MCHR2: variants seen among roughly 807,000 people sequenced by gnomAD.
MCHR2 encodes melanin-concentrating hormone receptor 2.
In MCHR2, 15 loss-of-function variants were observed where a neutral mutation model predicts 24.8. The observed-to-expected ratio is 0.60, with a 90% CI of 0.40 to 0.93. The LOEUF is 0.93. MCHR2 is among the 40% of genes least tolerant of loss of function. The pLI, the probability that MCHR2 is intolerant of heterozygous loss-of-function variation, is 0.00. For synonymous variants in MCHR2, 151 were observed against 147.6 expected, an observed-to-expected ratio of 1.02 and a Z score of -0.17; for missense variants, 386 against 408.7, an observed-to-expected ratio of 0.94 and a Z score of 0.48.
intron 1 of MCHR2, among the ~76,000 whole-genome samples, chr6:99,972,463 T>C (rs2114571137): frequency 6.6e-6 from 1 of 152,292 alleles, no homozygotes; most frequent in South Asian, 2.1e-4. Context: ...TTCTTCTTTA[T>C]TAGTCTTGCT....
In MCHR2 at chr6:99,971,545, C is replaced by A. The variant is rs555384259; in HGVS notation, c.-27-15371G>T. ...ACTTCCTCTTTTCCTAATTGAATACCCTTTATTTCCTTCTCCTGCCTCATT... is the reference window on the plus strand; with the variant it reads ...ACTTCCTCTTTTCCTAATTGAATACACTTTATTTCCTTCTCCTGCCTCATT... On this transcript the variant is annotated intron_variant, in intron 1 of 5. Coordinates refer to ENST00000281806, the MANE Select transcript of MCHR2 (RefSeq NM_001040179.2). Among the ~76,000 whole-genome samples, 29 of 152,194 alleles carry A rather than the reference C, an allele frequency of 1.9e-4. 1 individual carries two copies. The East Asian group carries it at 4.8e-3, about 25-fold the overall frequency.
Position 99,925,742 on chromosome 6 carries a change from A to G in MCHR2, c.708-4487T>C, listed in dbSNP as rs536090033. The stretch of plus-strand genomic sequence containing the variant: ...TTTTAACTTTTTGTTGTTTCAGTGT[A>G]TATCTTATTGTATTATCTATGTCTT... On this transcript the variant is annotated intron_variant, in intron 5 of 5. Transcript: ENST00000281806. Among the ~76,000 whole-genome samples, 659 of 151,742 alleles carry G rather than the reference A, an allele frequency of 4.3e-3. 6 individuals are homozygous for G. Among genetic ancestry groups the G allele is most frequent in the African/African-American group, 0.015 (622 of 41,416 alleles).
chr6:99,951,794 C>T (rs1488642892), intron 2 of MCHR2, among the ~76,000 whole-genome samples: 1 of 152,098 alleles, frequency 6.6e-6, no homozygotes, highest in African/African-American at 2.4e-5. Flanking sequence ...TCCCTGTCAG[C>T]AGCTGGAATT....
intron 1 of MCHR2, among the ~76,000 whole-genome samples, chr6:99,989,268 A>G (rs938652976): frequency 2.0e-5 from 3 of 152,180 alleles, no homozygotes; most frequent in African/African-American, 7.2e-5. Context: ...AAAAAAAATT[A>G]TTGCCTAGAT....
rs1774202320 is a variant in MCHR2 at position 99,920,553 on chromosome 6, C to T, written c.*387G>A. ...GACTTCACTCTAAGGTGATACCCTC[C>T]TAGGAACCTTGAGGAAACTGTTACA... On this transcript the variant is annotated 3_prime_UTR_variant, in exon 6 of 6. Transcript: ENST00000281806. 1 of 191,282 alleles carries T rather than the reference C, an allele frequency of 5.2e-6. No individual in the cohort carries two copies. Among genetic ancestry groups the T allele is most frequent in the African/African-American group, 2.3e-5 (1 of 42,848 alleles). The allele number at this position is 191,282 out of a possible 1,614,324, so 11.8% of individuals were successfully genotyped here.
Position 99,920,921 on chromosome 6 carries a change from T to C in MCHR2, c.*19A>G, listed in dbSNP as rs200462414. On this transcript the variant is annotated 3_prime_UTR_variant, in exon 6 of 6. Coordinates refer to ENST00000281806, the MANE Select transcript of MCHR2 (RefSeq NM_001040179.2). ...AGATAGACAATCATGTCTAGACTCA[T>C]GGTGATCCATGTACTTTCCTAAAAG... 48 of 1,608,740 alleles carry C rather than the reference T, an allele frequency of 3.0e-5. No homozygotes were observed. The highest frequency in any genetic ancestry group is 8.9e-5 in the East Asian group (4 of 44,856).
rs548617813 is a variant in MCHR2, at chr6:99,930,045, A to T, written c.707+4353T>A. Among the ~76,000 whole-genome samples the T allele has an allele frequency of 4.6e-3, 695 of 150,664 alleles. 11 individuals carry two copies. The highest frequency in any genetic ancestry group is 0.016 in the African/African-American group (668 of 40,906). ...TTAGGGCAGGCCTGGTGGTGACAAA[A>T]TCTCTCAGCATTTGCTTGTCTGTAA... On this transcript the variant is annotated intron_variant, in intron 5 of 5. Transcript: ENST00000281806.
At chr6:99,970,140 C>T (rs914003312) in intron 1 of MCHR2, among the ~76,000 whole-genome samples, 4 of 151,300 alleles carry the variant, frequency 2.6e-5, no homozygotes, top group South Asian at 4.2e-4. Flanking sequence ...GCCACACTGA[C>T]TTCCACAATG....
At chr6:99,965,059 A>C (rs1775268507) in intron 1 of MCHR2, among the ~76,000 whole-genome samples, 1 of 152,160 alleles carries the variant, frequency 6.6e-6, no homozygotes, top group African/African-American at 2.4e-5. Flanking sequence ...GTGACTCGTT[A>C]AGTGATTCAG....
At chr6:99,959,296 C>T (rs1016116528) in intron 1 of MCHR2, among the ~76,000 whole-genome samples, 2 of 151,946 alleles carry the variant, frequency 1.3e-5, no homozygotes, top group African/African-American at 4.8e-5. Context: ...TAAGTAGGAA[C>T]CTAGACACAC....
At chr6:99,978,130 G>C (rs949056520) in intron 1 of MCHR2, among the ~76,000 whole-genome samples, 2 of 152,210 alleles carry the variant, frequency 1.3e-5, no homozygotes, top group Non-Finnish European at 2.9e-5. Context: ...GCCACAATCA[G>C]AGACAAGGTA....
Position 99,956,077 on chromosome 6 carries a change from A to G in MCHR2, c.71T>C (p.Phe24Ser), listed in dbSNP as rs776575848. The G allele has an allele frequency of 1.9e-6, 3 of 1,613,550 alleles. 1 individual carries two copies. In the South Asian group the frequency reaches 3.3e-5, roughly 18 times the overall value. ...TACCACACTGGCAGTTTGATAAGCA[A>G]ACTCTTTATTCCAGGATTTGTTTAA... ...ELLNKSWNKE[F>S]AYQTASVVDT... The change falls in exon 2 of 6, where the codon TTT (phenylalanine) becomes TCT (serine). Residue 24 changes from phenylalanine (F) to serine (S), a missense_variant. Phe to Ser is a radical substitution (Grantham distance 155, BLOSUM62 -2). Transcript: ENST00000281806.
Position 99,947,728 on chromosome 6 carries a change from A to G in MCHR2, c.392+34T>C, listed in dbSNP as rs777324735. ...CTTGGGGAAGCACAGGCACCTCTGAATTATATTAAGATATTTCAAAGTCTT... is the reference window on the plus strand; with the variant it reads ...CTTGGGGAAGCACAGGCACCTCTGAGTTATATTAAGATATTTCAAAGTCTT... On this transcript the variant is annotated intron_variant, in intron 3 of 5. Coordinates refer to ENST00000281806, the MANE Select transcript of MCHR2 (RefSeq NM_001040179.2). The G allele has an allele frequency of 9.4e-6, 15 of 1,596,474 alleles. No homozygotes were observed. In the Admixed American group the frequency reaches 2.1e-4, roughly 22 times the overall value.
intron 2 of MCHR2, among the ~76,000 whole-genome samples, chr6:99,950,829 A>G (rs1268687377): frequency 6.6e-6 from 1 of 152,156 alleles, no homozygotes; most frequent in East Asian, 1.9e-4. Context: ...TTTTGCCATC[A>G]GAAATAACAA....
At chr6:99,936,004 A>C (rs1323079367) in intron 4 of MCHR2, among the ~76,000 whole-genome samples, 1 of 151,920 alleles carries the variant, frequency 6.6e-6, no homozygotes, top group Non-Finnish European at 1.5e-5. Flanking sequence ...TATTTTGAGA[A>C]ATGTCTGTTC....
At chr6:99,938,869 C>T (rs1774719055) in intron 4 of MCHR2, among the ~76,000 whole-genome samples, 2 of 152,004 alleles carry the variant, frequency 1.3e-5, no homozygotes, top group African/African-American at 4.8e-5. Flanking sequence ...TTGGGAGCCC[C>T]AATGTTGGGT....
intron 1 of MCHR2, among the ~76,000 whole-genome samples, chr6:99,964,745 C>G (rs987591492): frequency 1.3e-5 from 2 of 151,868 alleles, no homozygotes; most frequent in African/African-American, 4.8e-5. Context: ...TGAAATTAAC[C>G]AAATGTCCAT....
chr6:99,939,894 G>A (rs1774739974), intron 4 of MCHR2, among the ~76,000 whole-genome samples: 1 of 101,602 alleles, frequency 9.8e-6, no homozygotes, highest in African/African-American at 3.7e-5. Flanking sequence ...TTTTTTTTCA[G>A]TTTGAGAATG....
chr6:99,953,192 T>C (rs766976738), intron 2 of MCHR2, among the ~76,000 whole-genome samples: 49 of 152,248 alleles, frequency 3.2e-4, no homozygotes, highest in Middle Eastern at 6.8e-3. Context: ...TTTCTCTGGC[T>C]CCAGACATCT....
Sources: gnomAD v4.1 joint callset for allele counts (sites outside exome capture counted in the v4.1 genomes callset) on GRCh38, gnomAD v4.1.1 for gene constraint, MANE v1.5 for transcripts, NCBI Gene and HGNC (gene_info 2026-07-23, HGNC 2026-07-21) for gene names.